Variants in ZNF98 observed in about 807,000 individuals in gnomAD.
The protein encoded by ZNF98 is zinc finger protein 98.
In ZNF98, 8 loss-of-function variants were observed where a neutral mutation model predicts 12.8. The observed-to-expected ratio is 0.63, with a 90% CI of 0.37 to 1.13. The LOEUF is 1.13. ZNF98 is among the 50% of genes most tolerant of loss of function. The pLI is 0.01. For missense variants in ZNF98, 379 were observed against 666.1 expected (o/e 0.57, Z 4.74); for synonymous variants, 112 against 223.5 (o/e 0.50, Z 4.45).
At chr19:22,400,959 C>A (rs2957849) in intron 3 of ZNF98, among the ~76,000 whole-genome samples, 3,211 of 48,662 alleles carry the variant, frequency 0.066, 192 homozygotes, top group African/African-American at 0.2. Flanking sequence ...TCTCAAAAAA[C>A]AAAACAAAAC....
intron 3 of ZNF98, among the ~76,000 whole-genome samples, chr19:22,393,380 A>G (rs1969354834): frequency 6.6e-6 from 1 of 152,206 alleles, no homozygotes; most frequent in Non-Finnish European, 1.5e-5. Context: ...GGTCTTTTAC[A>G]CTGGTTCCTG....
intron 1 of ZNF98, among the ~76,000 whole-genome samples, chr19:22,410,119 T>C (rs374164149): frequency 3.9e-5 from 6 of 152,138 alleles, no homozygotes; most frequent in African/African-American, 1.4e-4. Flanking sequence ...CTGGTGAGGC[T>C]GTGAAGAAAC....
intron 1 of ZNF98, among the ~76,000 whole-genome samples, chr19:22,416,955 C>T (rs912583056): frequency 6.6e-6 from 1 of 150,668 alleles, no homozygotes; most frequent in Non-Finnish European, 1.5e-5. Context: ...TGAGGCTGGG[C>T]ACAGTGGCTC....
At chr19:22,410,213 C>A in intron 1 of ZNF98, among the ~76,000 whole-genome samples, 1 of 152,106 alleles carries the variant, frequency 6.6e-6, no homozygotes, top group East Asian at 1.9e-4. Flanking sequence ...GGATCTAGAA[C>A]CAGAAATATC....
chr19:22,397,444 G>C (rs948720621), intron 3 of ZNF98, among the ~76,000 whole-genome samples: 1 of 151,904 alleles, frequency 6.6e-6, no homozygotes, highest in Admixed American at 6.6e-5. Context: ...CTCAACACCA[G>C]GACACACATG....
Position 22,392,692 on chromosome 19 carries a change from A to C in ZNF98, c.543T>G (p.Ser181=), listed in dbSNP as rs372495528. The C allele has an allele frequency of 1.9e-6, 3 of 1,599,316 alleles. No homozygotes were observed. Among genetic ancestry groups the C allele is most frequent in the Non-Finnish European group, 2.6e-6 (3 of 1,171,974 alleles). ...ACTTTTCACATTCTTTACACTTGAA[A>C]GATTTCTTTCCAGTATGTCCTATCT... ...RHKIGHTGKK[S]FKCKECEKSF... The change falls in exon 4 of 4, where the codon TCT becomes TCG. Residue 181 remains serine (S), a synonymous_variant. Coordinates refer to ENST00000357774, the MANE Select transcript of ZNF98 (RefSeq NM_001098626.2).
chr19:22,392,363 T>C lies in ZNF98; in HGVS notation c.872A>G (p.Glu291Gly), dbSNP rs1794152399. 6.6e-7 allele frequency: 1 copy of C among 1,512,364 alleles called. No homozygotes were observed. Among genetic ancestry groups the C allele is most frequent in the Non-Finnish European group, 8.9e-7 (1 of 1,122,848 alleles). The allele number at this position is 1,512,364 out of a possible 1,614,324, so 93.7% of individuals were successfully genotyped here. A position where few individuals can be genotyped will look rare whatever the true frequency, so the allele number is the denominator to read the frequency against. ...ACATTCTTCACATTTGTAGGGTTTC[T>C]CTCCAGTATGAATTCTCTTATGTGT... ...LTTHKRIHTG[E>G]KPYKCEECGR... The change falls in exon 4 of 4, where the codon GAG (glutamate) becomes GGG (glycine). Residue 291 changes from glutamate to glycine, a missense_variant. Around this residue, in one of 8 missense-constraint regions of ZNF98, gnomAD observed 9 missense variants for 94.5 expected, o/e 0.10. Transcript: ENST00000357774.
At chr19:22,411,103 C>T (rs148864706) in intron 1 of ZNF98, among the ~76,000 whole-genome samples, 177 of 152,106 alleles carry the variant, frequency 1.2e-3, no homozygotes, top group Non-Finnish European at 1.4e-3. Context: ...AGTGCAGTGG[C>T]GAGATCTGCA....
intron 1 of ZNF98, among the ~76,000 whole-genome samples, chr19:22,404,280 C>T (rs1969495838): frequency 6.6e-6 from 1 of 152,206 alleles, no homozygotes; most frequent in African/African-American, 2.4e-5. Context: ...CTCTAACAAG[C>T]TCACCAGTAA....
chr19:22,402,788 C>A lies in ZNF98; in HGVS notation c.253+1G>T, dbSNP rs1969473642. 1.9e-6 allele frequency: 3 copies of A among 1,584,520 alleles called. No individual in the cohort carries two copies. Among genetic ancestry groups the A allele is most frequent in the African/African-American group, 1.4e-5 (1 of 72,562 alleles). On this transcript the variant is annotated splice_donor_variant, in intron 3 of 3. Coordinates refer to ENST00000357774, the MANE Select transcript of ZNF98 (RefSeq NM_001098626.2). LOFTEE classifies it high-confidence loss of function. ...TTGTATTCACTTTCACTCTCACCTA[C>A]CTGGGGGTTCAGTTACCATCTCATG...
At chr19:22,402,381 C>T (rs1969469412) in intron 3 of ZNF98, 1 of 391,842 alleles carries the variant, frequency 2.6e-6, no homozygotes, top group Non-Finnish European at 4.5e-6. Context: ...ACCAATGGAA[C>T]AGAAACCACT....
At chr19:22,407,869 A>G (rs1969539441) in intron 1 of ZNF98, among the ~76,000 whole-genome samples, 1 of 151,992 alleles carries the variant, frequency 6.6e-6, no homozygotes, top group Admixed American at 6.6e-5. Context: ...CAGGAGTTCG[A>G]GACCAGCCTG....
chr19:22,398,191 G>A (rs530633498), intron 3 of ZNF98, among the ~76,000 whole-genome samples: 70 of 152,228 alleles, frequency 4.6e-4, no homozygotes, highest in African/African-American at 1.7e-3. Flanking sequence ...AAAATAAAAT[G>A]AGCCAGCCAC....
intron 3 of ZNF98, among the ~76,000 whole-genome samples, chr19:22,401,030 C>G (rs1969450509): frequency 6.7e-6 from 1 of 149,622 alleles, no homozygotes; most frequent in Admixed American, 6.7e-5. Context: ...CTCACAGACA[C>G]CAATGCAAAA....
intron 1 of ZNF98, among the ~76,000 whole-genome samples, chr19:22,415,956 G>GACAC (rs71180550): frequency 0.084 from 9,356 of 111,244 alleles, 512 homozygotes; most frequent in South Asian, 0.15. Context: ...AAAAACTACA[G>GACAC]ACACACACAC....
At chr19:22,403,782 T>C (rs767666676) in intron 1 of ZNF98, among the ~76,000 whole-genome samples, 2 of 152,122 alleles carry the variant, frequency 1.3e-5, no homozygotes, top group Non-Finnish European at 2.9e-5. Flanking sequence ...AACACTAACA[T>C]GTACACTTTT....
chr19:22,403,523 T>A lies in ZNF98; in HGVS notation c.31-11A>T. Reference sequence around the variant, plus strand: ...AAATGTCAACACTCCCTGAAAAACATACAAACACACATACATATTTACCAA... The same window carrying A: ...AAATGTCAACACTCCCTGAAAAACAAACAAACACACATACATATTTACCAA... On this transcript the variant is annotated splice_polypyrimidine_tract_variant and intron_variant, in intron 1 of 3. Coordinates refer to ENST00000357774, the MANE Select transcript of ZNF98 (RefSeq NM_001098626.2). The A allele has an allele frequency of 6.3e-7, 1 of 1,588,110 alleles. No homozygotes were observed. Among genetic ancestry groups the A allele is most frequent in the Non-Finnish European group, 8.5e-7 (1 of 1,172,582 alleles).
intron 3 of ZNF98, among the ~76,000 whole-genome samples, chr19:22,394,772 C>T (rs1028583842): frequency 6.6e-6 from 1 of 151,896 alleles, no homozygotes; most frequent in Non-Finnish European, 1.5e-5. Flanking sequence ...GGCACATGTA[C>T]CCTAGGACTT....
intron 1 of ZNF98, among the ~76,000 whole-genome samples, chr19:22,411,612 G>A (rs1167914066): frequency 1.3e-5 from 2 of 152,096 alleles, no homozygotes; most frequent in African/African-American, 4.8e-5. Context: ...ACAATTCTGA[G>A]TCAAAAAGAA....
Sources: gnomAD v4.1 joint callset for allele counts (sites outside exome capture counted in the v4.1 genomes callset) on GRCh38, gnomAD v4.1.1 for gene constraint, gnomAD v4.1.1 regional missense constraint, MANE v1.5 for transcripts, NCBI Gene and HGNC (gene_info 2026-07-23, HGNC 2026-07-21) for gene names.